The following PRKACB variants were observed in gnomAD, a reference collection of about 807,000 sequenced individuals.
PRKACB encodes protein kinase cAMP-activated catalytic subunit beta.
In PRKACB, 16 loss-of-function variants were observed where a neutral mutation model predicts 51.4. That is an observed-to-expected ratio of 0.31 (90% confidence interval 0.21 to 0.47). The LOEUF (loss-of-function observed/expected upper bound fraction) is 0.47, where lower values mean the gene tolerates loss of function less well. PRKACB is among the 20% of genes least tolerant of loss of function. The pLI, the probability that PRKACB is intolerant of heterozygous loss-of-function variation, is 1.00. For missense variants in PRKACB, 309 were observed against 464.5 expected (o/e 0.67, Z 3.08); for synonymous variants, 147 against 154.4 (o/e 0.95, Z 0.35).
At chr1:84,101,120 A>C (rs950082455) in intron 1 of PRKACB, among the ~76,000 whole-genome samples, 13 of 152,216 alleles carry the variant, frequency 8.5e-5, no homozygotes, top group African/African-American at 2.9e-4. Flanking sequence ...ATATATTGCA[A>C]GAAATTGACT....
At chr1:84,201,711 G>A (rs1670159802) in intron 7 of PRKACB, among the ~76,000 whole-genome samples, 1 of 152,060 alleles carries the variant, frequency 6.6e-6, no homozygotes, top group Admixed American at 6.6e-5. Flanking sequence ...GAGTCGTGAT[G>A]GTAGAGGGTA....
chr1:84,232,141 A>T (rs1490499790), intron 9 of PRKACB, among the ~76,000 whole-genome samples: 1 of 152,158 alleles, frequency 6.6e-6, no homozygotes, highest in Non-Finnish European at 1.5e-5. Flanking sequence ...CGTTGGTTTC[A>T]AAGAACATCT....
chr1:84,229,989 A>G (rs1465750048), intron 9 of PRKACB, among the ~76,000 whole-genome samples: 27 of 150,280 alleles, frequency 1.8e-4, no homozygotes, highest in African/African-American at 6.3e-4. Context: ...TTGGTGTTTT[A>G]GACATGAAGT....
rs1471444050 is a variant in PRKACB, at chr1:84,205,669, A to T, written c.906+2864A>T. ...AATTTATTAATTAAGTGATAAATTC[A>T]CTAAAGTACATATATATGAATATTA... On this transcript the variant is annotated intron_variant, in intron 8 of 9. Coordinates refer to ENST00000370685, the MANE Select transcript of PRKACB (RefSeq NM_182948.4). Among the ~76,000 whole-genome samples, 5 of 152,226 alleles carry T rather than the reference A, an allele frequency of 3.3e-5. No homozygotes were observed. The South Asian group carries it at 1.0e-3, about 32-fold the overall frequency.
At chr1:84,224,362 C>T (rs1674228491) in intron 9 of PRKACB, among the ~76,000 whole-genome samples, 1 of 152,204 alleles carries the variant, frequency 6.6e-6, no homozygotes, top group Admixed American at 6.5e-5. Flanking sequence ...ACCTTAGTCT[C>T]CTGTGCAGCA....
intron 1 of PRKACB, among the ~76,000 whole-genome samples, chr1:84,112,660 A>G (rs913907431): frequency 1.3e-4 from 20 of 152,122 alleles, no homozygotes; most frequent in Non-Finnish European, 4.4e-5. Context: ...ACTAGCATCA[A>G]TTTTTAATTT....
intron 9 of PRKACB, among the ~76,000 whole-genome samples, chr1:84,215,439 T>A (rs1491002760): frequency 6.6e-6 from 1 of 152,206 alleles, no homozygotes; most frequent in Non-Finnish European, 1.5e-5. Flanking sequence ...AAATTCAGAA[T>A]AACTTTGCAC....
At chr1:84,228,740 G>T (rs540872304) in intron 9 of PRKACB, among the ~76,000 whole-genome samples, 3 of 151,992 alleles carry the variant, frequency 2.0e-5, no homozygotes, top group African/African-American at 7.2e-5. Context: ...AAATAAACTT[G>T]GGAATTAAAA....
chr1:84,131,341 T>A, intron 1 of PRKACB, among the ~76,000 whole-genome samples: 1 of 33,344 alleles, frequency 3.0e-5, no homozygotes, highest in Non-Finnish European at 6.6e-5. Context: ...CAAAACTCCA[T>A]CTCAAAAAAA....
intron 1 of PRKACB, among the ~76,000 whole-genome samples, chr1:84,106,742 T>C (rs1235261807): frequency 6.6e-6 from 1 of 152,092 alleles, no homozygotes; most frequent in Non-Finnish European, 1.5e-5. Flanking sequence ...TTCACAGAAC[T>C]AGAAAATACT....
chr1:84,204,409 A>G lies in PRKACB; in HGVS notation c.906+1604A>G, dbSNP rs1670999856. 3.5e-6 allele frequency: 4 copies of G among 1,150,386 alleles called. No individual in the cohort carries two copies. In the Admixed American group the frequency reaches 5.3e-5, roughly 15 times the overall value. 71.3% of individuals were successfully genotyped at this position (1,150,386 alleles called of 1,614,324 possible). ...ACTTATTTAAACAAGTATCAGTATCACTGCTGTTCTTCTTACATTTGTAGA... is the reference window on the plus strand; with the variant it reads ...ACTTATTTAAACAAGTATCAGTATCGCTGCTGTTCTTCTTACATTTGTAGA... On this transcript the variant is annotated intron_variant, in intron 8 of 9. Coordinates refer to ENST00000370685, the MANE Select transcript of PRKACB (RefSeq NM_182948.4).
In PRKACB at chr1:84,234,905, G is replaced by A. The variant is rs552691031; in HGVS notation, c.1072-275G>A. On this transcript the variant is annotated intron_variant, in intron 9 of 9. Coordinates refer to ENST00000370685, the MANE Select transcript of PRKACB (RefSeq NM_182948.4). ...TCCCTCACGCTGGGAGCTGTAGACCGTACCTGTTCCTATTCGGCCATCTTG... is the reference window on the plus strand; with the variant it reads ...TCCCTCACGCTGGGAGCTGTAGACCATACCTGTTCCTATTCGGCCATCTTG... Among the ~76,000 whole-genome samples the A allele has an allele frequency of 3.4e-4, 52 of 152,312 alleles. 1 individual carries two copies. In the South Asian group the frequency reaches 7.3e-3, roughly 21 times the overall value.
chr1:84,108,318 T>C (rs1649949617), intron 1 of PRKACB, among the ~76,000 whole-genome samples: 1 of 151,050 alleles, frequency 6.6e-6, no homozygotes, highest in Admixed American at 6.6e-5. Flanking sequence ...CACTAGGATA[T>C]ACTTGAGGGT....
At chr1:84,085,808 G>A (rs761521283) in intron 1 of PRKACB, 12 of 411,802 alleles carry the variant, frequency 2.9e-5, no homozygotes, top group South Asian at 6.0e-5. Context: ...TCTCAGGATC[G>A]GTGGCCACCT....
chr1:84,164,464 A>G (rs1381837252), intron 1 of PRKACB: 2 of 1,551,018 alleles, frequency 1.3e-6, no homozygotes, highest in Admixed American at 1.9e-5. Flanking sequence ...ATATCTTTGA[A>G]AGATGTAAAA....
chr1:84,098,917 T>G (rs1386246238), intron 1 of PRKACB, among the ~76,000 whole-genome samples: 5 of 151,914 alleles, frequency 3.3e-5, no homozygotes, highest in Non-Finnish European at 7.4e-5. Context: ...CTGAAAAGGA[T>G]TAGAGATCCT....
At chr1:84,166,230 G>T (rs190982554) in intron 1 of PRKACB, among the ~76,000 whole-genome samples, 3 of 151,544 alleles carry the variant, frequency 2.0e-5, no homozygotes, top group Admixed American at 1.3e-4. Flanking sequence ...AAATTTGAAC[G>T]AATATTACAA....
intron 9 of PRKACB, among the ~76,000 whole-genome samples, chr1:84,223,370 G>GTTTTTTTTTTTTT (rs976444186): frequency 4.2e-4 from 9 of 21,438 alleles, no homozygotes; most frequent in Non-Finnish European, 9.8e-4. Flanking sequence ...GTTTTTTTTT[G>GTTTTTTTTTTTTT]TTTTTTTGTT....
At chr1:84,143,858 A>T (rs909092923), upstream of PRKACB, among the ~76,000 whole-genome samples, 7 of 151,656 alleles carry the variant, frequency 4.6e-5, no homozygotes, top group African/African-American at 1.7e-4. Context: ...TACCCATTTC[A>T]TACTAGTTTT....
Sources: gnomAD v4.1 joint callset for allele counts (sites outside exome capture counted in the v4.1 genomes callset) on GRCh38, gnomAD v4.1.1 for gene constraint, MANE v1.5 for transcripts, NCBI Gene and HGNC (gene_info 2026-07-23, HGNC 2026-07-21) for gene names.